The following ERG variants were observed in gnomAD, a reference collection of about 807,000 sequenced individuals.
ERG encodes the protein transcriptional regulator ERG.
Under a neutral mutation model 55.3 loss-of-function variants are expected in ERG, and 9 were observed. The observed-to-expected ratio is 0.16, with a 90% CI of 0.10 to 0.28. The LOEUF (loss-of-function observed/expected upper bound fraction) is 0.28. ERG is among the 10% of genes least tolerant of loss of function. ERG has a pLI of 1.00. For synonymous variants in ERG, 223 were observed against 237.3 expected (o/e 0.94, Z 0.55); for missense variants, 434 against 631.6 (o/e 0.69, Z 3.35).
chr21:38,551,618 T>C (rs1217009903), intron 2 of ERG, among the ~76,000 whole-genome samples: 1 of 152,218 alleles, frequency 6.6e-6, no homozygotes, highest in Non-Finnish European at 1.5e-5. Context: ...CAAAAGTCAT[T>C]CAGGAGCAGG....
At chr21:38,563,802 C>T (rs1211104619) in intron 2 of ERG, among the ~76,000 whole-genome samples, 1 of 152,208 alleles carries the variant, frequency 6.6e-6, no homozygotes, top group African/African-American at 2.4e-5. Context: ...ACAGATAATC[C>T]TTACATAGTA....
Position 38,383,991 on chromosome 21 carries a change from G to A in ERG, c.920-68C>T, listed in dbSNP as rs1228264803. Reference sequence around the variant, plus strand: ...GTTCCAGGGGAAAGAGGCTCTCTGTGATGACGGAAGGAGGTGCTATTGGTG... The same window carrying A: ...GTTCCAGGGGAAAGAGGCTCTCTGTAATGACGGAAGGAGGTGCTATTGGTG... On this transcript the variant is annotated intron_variant, in intron 9 of 9. Coordinates refer to ENST00000288319, the MANE Select transcript of ERG (RefSeq NM_182918.4). The surrounding 1 kb of genome is among the most constrained non-coding windows in gnomAD (Gnocchi z 5.7). 2 of 1,538,398 alleles carry A rather than the reference G, an allele frequency of 1.3e-6. No homozygotes were observed. The highest frequency in any genetic ancestry group is 2.3e-5 in the East Asian group (1 of 44,214).
intron 2 of ERG, among the ~76,000 whole-genome samples, chr21:38,544,591 G>C (rs1287894952): frequency 1.3e-5 from 2 of 152,190 alleles, no homozygotes; most frequent in Non-Finnish European, 2.9e-5. Context: ...TGGCAGAAGA[G>C]AGGCGACTTT....
intron 1 of ERG, among the ~76,000 whole-genome samples, chr21:38,652,967 T>C (rs2060497036): frequency 6.6e-6 from 1 of 152,234 alleles, no homozygotes; most frequent in African/African-American, 2.4e-5. Flanking sequence ...CTAGATTCTA[T>C]GGCAAGTATG....
intron 2 of ERG, among the ~76,000 whole-genome samples, chr21:38,565,026 C>A (rs190515245): frequency 1.3e-5 from 2 of 152,336 alleles, no homozygotes; most frequent in Admixed American, 1.3e-4. Flanking sequence ...CTGCTCATTG[C>A]AACTGTCCCC....
At chr21:38,550,465 G>T (rs1321172839) in intron 2 of ERG, among the ~76,000 whole-genome samples, 1 of 152,198 alleles carries the variant, frequency 6.6e-6, no homozygotes, top group Non-Finnish European at 1.5e-5. Context: ...CATAAGGATG[G>T]AGGTCTCATG....
intron 1 of ERG, among the ~76,000 whole-genome samples, chr21:38,649,753 T>C (rs1363927079): frequency 1.3e-5 from 2 of 152,186 alleles, no homozygotes; most frequent in Non-Finnish European, 2.9e-5. Context: ...CCACGTTCCT[T>C]ATAGGACGAA....
intron 1 of ERG, among the ~76,000 whole-genome samples, chr21:38,485,941 ATTAT>A (rs2059281073): frequency 6.6e-6 from 1 of 151,098 alleles, no homozygotes; most frequent in African/African-American, 2.4e-5. Context: ...AATAATAATT[ATTAT>A]TATTTTGAGA....
At chr21:38,474,690 C>A (rs1284542791) in intron 1 of ERG, among the ~76,000 whole-genome samples, 1 of 151,774 alleles carries the variant, frequency 6.6e-6, no homozygotes, top group South Asian at 2.1e-4. Context: ...GACTATATAG[C>A]CCTTGTATAA....
chr21:38,642,350 C>T (rs1048330564), intron 1 of ERG, among the ~76,000 whole-genome samples: 1 of 152,154 alleles, frequency 6.6e-6, no homozygotes, highest in African/African-American at 2.4e-5. Flanking sequence ...TCTGTATGCT[C>T]ACGGTAAACA....
chr21:38,637,053 C>T (rs762459108), intron 1 of ERG, among the ~76,000 whole-genome samples: 25 of 152,094 alleles, frequency 1.6e-4, no homozygotes, highest in Non-Finnish European at 3.5e-4. Context: ...GGCTTGGAAC[C>T]GCACGCTGGT....
At chr21:38,400,297 C>G (rs1385672838) in intron 6 of ERG, 3 of 552,208 alleles carry the variant, frequency 5.4e-6, no homozygotes, top group Middle Eastern at 2.7e-4. Flanking sequence ...CGGCCTATTC[C>G]TAACTGCCAG....
intron 1 of ERG, among the ~76,000 whole-genome samples, chr21:38,648,517 G>C (rs1397255538): frequency 1.3e-5 from 2 of 152,192 alleles, no homozygotes; most frequent in African/African-American, 2.4e-5. Context: ...TCCCAGATGA[G>C]GGCAGGCTTA....
chr21:38,511,282 C>T (rs142472281), intron 2 of ERG, among the ~76,000 whole-genome samples: 2 of 152,282 alleles, frequency 1.3e-5, no homozygotes, highest in Non-Finnish European at 2.9e-5. Flanking sequence ...AGAGGAACTA[C>T]TTTAACATAA....
intron 1 of ERG, among the ~76,000 whole-genome samples, chr21:38,654,728 T>C (rs1457555813): frequency 6.6e-6 from 1 of 152,340 alleles, no homozygotes; most frequent in South Asian, 2.1e-4. Context: ...AAAGTACTTT[T>C]CAATACTGAA....
intron 2 of ERG, among the ~76,000 whole-genome samples, chr21:38,572,757 T>C (rs1232451399): frequency 2.0e-5 from 3 of 152,188 alleles, no homozygotes; most frequent in Admixed American, 6.5e-5. Context: ...CTCTCAGTTA[T>C]GATTTCTCAA....
intron 2 of ERG, among the ~76,000 whole-genome samples, chr21:38,445,138 C>CTTAT: frequency 7.3e-6 from 1 of 136,670 alleles, no homozygotes; most frequent in African/African-American, 2.7e-5. Context: ...CTTTCTTCTT[C>CTTAT]TTTTTTTTTT....
intron 5 of ERG, among the ~76,000 whole-genome samples, chr21:38,401,453 C>T (rs1460078002): frequency 6.6e-6 from 1 of 152,106 alleles, no homozygotes; most frequent in Non-Finnish European, 1.5e-5. Context: ...ACTACCAACT[C>T]GAAGCAGGTT....
chr21:38,459,797 T>A (rs2059024235), intron 1 of ERG, among the ~76,000 whole-genome samples: 1 of 152,258 alleles, frequency 6.6e-6, no homozygotes, highest in Non-Finnish European at 1.5e-5. Flanking sequence ...GTCTAGCTGC[T>A]TCTAGATTAC....
Sources: gnomAD v4.1 joint callset for allele counts (sites outside exome capture counted in the v4.1 genomes callset) on GRCh38, gnomAD v4.1.1 for gene constraint, Gnocchi (gnomAD v3.1) non-coding constraint, MANE v1.5 for transcripts, NCBI Gene and HGNC (gene_info 2026-07-23, HGNC 2026-07-21) for gene names.